The following FRAS1 variants were observed in gnomAD, a reference collection of about 807,000 sequenced individuals.
FRAS1 encodes extracellular matrix organizing protein FRAS1.
In FRAS1, 290 loss-of-function variants were observed where a neutral mutation model predicts 435.2. That is an observed-to-expected ratio of 0.67 (90% CI 0.61 to 0.73). FRAS1 has a LOEUF of 0.73. FRAS1 is among the 30% of genes least tolerant of loss of function. The pLI, the probability that FRAS1 is intolerant of heterozygous loss-of-function variation, is 0.00. For synonymous variants in FRAS1, 1,800 were observed against 1,851.0 expected, an observed-to-expected ratio of 0.97 and a Z score of 0.71; for missense variants, 4,860 against 5,001.5, an observed-to-expected ratio of 0.97 and a Z score of 0.85.
intron 2 of FRAS1, among the ~76,000 whole-genome samples, chr4:78,197,224 G>T (rs1335197625): frequency 6.6e-6 from 1 of 152,138 alleles, no homozygotes; most frequent in Admixed American, 6.5e-5. Context: ...TCACACTGCT[G>T]GGGTTGAAAT....
In FRAS1 at chr4:78,389,342, C is replaced by T. The variant is rs920646105; in HGVS notation, c.3975+1641C>T. ...TGGTTTGTTGAGGACAGTTTAAAAC[C>T]ACTTGTCACTTTCTCATCAGTGATC... On this transcript the variant is annotated intron_variant, in intron 29 of 73. Coordinates refer to ENST00000512123, the MANE Select transcript of FRAS1 (RefSeq NM_025074.7). Among the ~76,000 whole-genome samples, 3 of 152,194 alleles carry T rather than the reference C, an allele frequency of 2.0e-5. No homozygotes were observed. In the East Asian group the frequency reaches 5.8e-4, roughly 29 times the overall value.
At chr4:78,520,256 G>A (rs999204773) in intron 67 of FRAS1, among the ~76,000 whole-genome samples, 3 of 143,456 alleles carry the variant, frequency 2.1e-5, no homozygotes, top group African/African-American at 7.7e-5. Flanking sequence ...TGTTTTTCTT[G>A]TTTTTTTTTT....
chr4:78,225,628 G>T (rs1392268981), intron 2 of FRAS1, among the ~76,000 whole-genome samples: 2 of 152,172 alleles, frequency 1.3e-5, no homozygotes, highest in Non-Finnish European at 2.9e-5. Flanking sequence ...TCCGTATCTG[G>T]GTTAGACTGT....
At chr4:78,445,893 G>A (rs926289376) in intron 42 of FRAS1, 181 bp downstream of exon 42, 4 of 1,322,790 alleles carry the variant, frequency 3.0e-6, no homozygotes, top group Admixed American at 7.0e-5. Context: ...TTTGGGGAAG[G>A]CTTGAGTTAG....
intron 70 of FRAS1, among the ~76,000 whole-genome samples, chr4:78,532,929 T>C (rs56212709): frequency 0.44 from 67,405 of 152,036 alleles, 15,529 homozygotes; most frequent in East Asian, 0.79. Flanking sequence ...TTGTGAATAA[T>C]GTTACAATGA....
intron 18 of FRAS1, among the ~76,000 whole-genome samples, chr4:78,329,197 C>T (rs1186449880): frequency 6.6e-6 from 1 of 152,154 alleles, no homozygotes; most frequent in Non-Finnish European, 1.5e-5. Context: ...AAAATTTGGA[C>T]AAATAACCAA....
At chr4:78,112,404 T>G (rs1742787147) in intron 2 of FRAS1, among the ~76,000 whole-genome samples, 1 of 152,154 alleles carries the variant, frequency 6.6e-6, no homozygotes, top group African/African-American at 2.4e-5. Flanking sequence ...TGATTTATTT[T>G]ATTATTATTT....
At chr4:78,095,620 G>A (rs904996034) in intron 2 of FRAS1, among the ~76,000 whole-genome samples, 7 of 152,204 alleles carry the variant, frequency 4.6e-5, no homozygotes, top group East Asian at 3.8e-4. Context: ...CAATCATGGC[G>A]GAAGCCAAGG....
chr4:78,365,797 CCAAAAATA>C (rs949977786), intron 22 of FRAS1, among the ~76,000 whole-genome samples: 1 of 147,758 alleles, frequency 6.8e-6, no homozygotes, highest in Non-Finnish European at 1.5e-5. Context: ...CTCATCTCTA[CCAAAAATA>C]CAAAAAGAAC....
At chr4:78,497,328 C>T (rs1051564527) in intron 60 of FRAS1, among the ~76,000 whole-genome samples, 5 of 151,976 alleles carry the variant, frequency 3.3e-5, no homozygotes, top group African/African-American at 1.2e-4. Flanking sequence ...AAAACACTGC[C>T]ACCTTCCTGG....
chr4:78,423,450 G>C (rs1388186568), intron 34 of FRAS1, among the ~76,000 whole-genome samples: 1 of 109,088 alleles, frequency 9.2e-6, no homozygotes, highest in Non-Finnish European at 2.0e-5. Flanking sequence ...ACTGCTCCCA[G>C]CCACTAGTGC....
chr4:78,367,389 G>A (rs1454442310), intron 22 of FRAS1, among the ~76,000 whole-genome samples: 1 of 147,276 alleles, frequency 6.8e-6, no homozygotes, highest in East Asian at 2.0e-4. Context: ...GTGACAGGGT[G>A]ACAGAGTGAG....
chr4:78,197,927 T>A (rs1357183701), intron 2 of FRAS1, among the ~76,000 whole-genome samples: 1 of 109,534 alleles, frequency 9.1e-6, no homozygotes, highest in Non-Finnish European at 1.9e-5. Flanking sequence ...GGTGACAGAG[T>A]GAGACTCCCT....
intron 29 of FRAS1, among the ~76,000 whole-genome samples, chr4:78,398,334 C>A (rs1342493963): frequency 1.3e-5 from 2 of 152,224 alleles, no homozygotes; most frequent in African/African-American, 2.4e-5. Flanking sequence ...CTTCTGGGAT[C>A]TTTCCAAAGT....
chr4:78,309,106 C>T (rs370244262), intron 15 of FRAS1, among the ~76,000 whole-genome samples: 1 of 152,100 alleles, frequency 6.6e-6, no homozygotes. Context: ...GACCAGAGGT[C>T]GGAGTGATAG....
At chr4:78,065,939 GT>G (rs1560504737) in intron 1 of FRAS1, 45 bp from the exon 2 acceptor site, 3 of 1,496,882 alleles carry the variant, frequency 2.0e-6, no homozygotes, top group Non-Finnish European at 2.8e-6. Flanking sequence ...GTGCCTATTG[GT>G]TTATTATGCA....
chr4:78,278,844 T>C, intron 10 of FRAS1, 100 bp downstream of exon 10: 1 of 742,332 alleles, frequency 1.3e-6, no homozygotes. Flanking sequence ...ATTCATTTGT[T>C]CAACAAATGT....
chr4:78,508,444 A>C (rs1278700957), intron 62 of FRAS1, among the ~76,000 whole-genome samples: 1 of 152,248 alleles, frequency 6.6e-6, no homozygotes, highest in Non-Finnish European at 1.5e-5. Context: ...TCCAATGGGC[A>C]GGAAAATCAG....
chr4:78,419,219 C>G (rs1222483418), intron 33 of FRAS1, among the ~76,000 whole-genome samples, 156 bp downstream of exon 33: 1 of 152,158 alleles, frequency 6.6e-6, no homozygotes, highest in African/African-American at 2.4e-5. Context: ...CTCCTGTCTT[C>G]TAGTTTAGAA....
Sources: allele counts gnomAD v4.1 joint callset (sites outside exome capture counted in the v4.1 genomes callset), GRCh38; gene constraint gnomAD v4.1.1; transcripts MANE v1.5; gene names NCBI Gene and HGNC (gene_info 2026-07-23, HGNC 2026-07-21).